The following MMAB variants were observed in gnomAD, a reference collection of about 807,000 sequenced individuals.
MMAB encodes the protein corrinoid adenosyltransferase MMAB.
A neutral mutation model predicts 30.6 loss-of-function variants in MMAB; 17 were observed. That is an observed-to-expected ratio of 0.56 (90% CI 0.38 to 0.83). The LOEUF is 0.83. Ranked by LOEUF, MMAB falls within the 40% of genes least tolerant of loss-of-function variation. The probability of loss-of-function intolerance (pLI) is 0.00; values close to 1 mark genes in which losing one functional copy is unlikely to be tolerated. For missense variants in MMAB, 311 were observed against 331.6 expected (o/e 0.94, Z 0.48); for synonymous variants, 134 against 138.6 (o/e 0.97, Z 0.23).
chr12:109,565,060 G>T, intron 4 of MMAB, 59 bp downstream of exon 4: 1 of 1,308,118 alleles, frequency 7.6e-7, no homozygotes, highest in Non-Finnish European at 1.1e-6. Context: ...TGGATGCTGA[G>T]TCCCGTGATG....
At position 109,561,029 on chromosome 12, in the gene MMAB, A is replaced by G; in HGVS notation, c.584+11T>C. On this transcript the variant is annotated intron_variant, in intron 7 of 8. Coordinates refer to ENST00000545712, the MANE Select transcript of MMAB (RefSeq NM_052845.4). The surrounding 1 kb of genome is among the most constrained non-coding windows in gnomAD (Gnocchi z 5.3). Reference sequence around the variant, plus strand: ...TCCCTTGGGCCCTCTCCCTCTCTCCAGCCCTCTTACCGTCTCTCGGCCCGG... The same window carrying G: ...TCCCTTGGGCCCTCTCCCTCTCTCCGGCCCTCTTACCGTCTCTCGGCCCGG... 6.7e-7 allele frequency: 1 copy of G among 1,496,776 alleles called. No individual in the cohort carries two copies. The highest frequency in any genetic ancestry group is 8.9e-7 in the Non-Finnish European group (1 of 1,124,332). The allele number at this position is 1,496,776 out of a possible 1,614,324, so 92.7% of individuals were successfully genotyped here.
chr12:109,563,817 T>G (rs1332690660), intron 4 of MMAB, among the ~76,000 whole-genome samples: 1 of 152,174 alleles, frequency 6.6e-6, no homozygotes, highest in Non-Finnish European at 1.5e-5. Context: ...CTGAGCAGGC[T>G]CCAGCCTGGG....
chr12:109,573,165 T>TA (rs1884717384), intron 1 of MMAB, 182 bp downstream of exon 1: 2 of 735,368 alleles, frequency 2.7e-6, no homozygotes, highest in Non-Finnish European at 4.6e-6. Flanking sequence ...CATTGGGACT[T>TA]AGGCAAAGAC....
Position 109,561,353 on chromosome 12 carries a change from G to A in MMAB, c.519+67C>T, listed in dbSNP as rs976586838. The A allele has an allele frequency of 3.2e-6, 5 of 1,542,134 alleles. No individual in the cohort carries two copies. The highest frequency in any genetic ancestry group is 1.4e-5 in the African/African-American group (1 of 73,012). On this transcript the variant is annotated intron_variant, in intron 6 of 8. Transcript: ENST00000545712. This position sits in a 1 kb window ranked among gnomAD's most constrained non-coding sequence, Gnocchi z 5.3. ...CACTGTGAAAAGAGGGATTTATTCAGAGCCCATGTGTGTCTGTCACTGAAC... is the reference window on the plus strand; with the variant it reads ...CACTGTGAAAAGAGGGATTTATTCAAAGCCCATGTGTGTCTGTCACTGAAC...
intron 3 of MMAB, among the ~76,000 whole-genome samples, chr12:109,566,757 T>C (rs1458847359): frequency 6.6e-6 from 1 of 152,222 alleles, no homozygotes; most frequent in African/African-American, 2.4e-5. Context: ...GCTTGGTCAA[T>C]ATCTGACCAA....
At chr12:109,568,627 C>G in intron 3 of MMAB, 143 bp downstream of exon 3, 1 of 752,006 alleles carries the variant, frequency 1.3e-6, no homozygotes, top group Non-Finnish European at 2.4e-6. Context: ...AGCTGACCAG[C>G]CTGTGCTTCA....
At position 109,558,550 on chromosome 12, in the gene MMAB, T is replaced by C. The variant is rs1884066400; in HGVS notation, c.644+546A>G. Among the ~76,000 whole-genome samples the C allele has an allele frequency of 6.6e-6, 1 of 152,072 alleles. No individual in the cohort carries two copies. The highest frequency in any genetic ancestry group is 2.1e-4 in the South Asian group (1 of 4,828). ...TGGGGCAGGAACCCGCAGAGCAGGC[T>C]TTGGGCCAGGTGTGGCTCCAGCCTC... On this transcript the variant is annotated intron_variant, in intron 8 of 8. Coordinates refer to ENST00000545712, the MANE Select transcript of MMAB (RefSeq NM_052845.4). This position sits in a 1 kb window ranked among gnomAD's most constrained non-coding sequence, Gnocchi z 4.3.
At position 109,569,448 on chromosome 12, in the gene MMAB, C is replaced by T. The variant is rs749935688; in HGVS notation, c.197-585G>A. ...CCCCAAGGGTTAGCCACTATGCTCA[C>T]TTCTTTCCTGATGTGCTTTTCAACT... On this transcript the variant is annotated intron_variant, in intron 2 of 8. Coordinates refer to ENST00000545712, the MANE Select transcript of MMAB (RefSeq NM_052845.4). This position sits in a 1 kb window ranked among gnomAD's most constrained non-coding sequence, Gnocchi z 4.1. Among the ~76,000 whole-genome samples the T allele has an allele frequency of 3.9e-5, 6 of 152,230 alleles. No homozygotes were observed. Among genetic ancestry groups the T allele is most frequent in the Non-Finnish European group, 8.8e-5 (6 of 68,040 alleles).
At chr12:109,557,477 T>G (rs1884021288) in intron 8 of MMAB, among the ~76,000 whole-genome samples, 1 of 152,194 alleles carries the variant, frequency 6.6e-6, no homozygotes, top group Admixed American at 6.5e-5. Flanking sequence ...CGTGATCAGT[T>G]TGGGTGTTTC....
chr12:109,565,442 G>T (rs1254519853), intron 3 of MMAB, among the ~76,000 whole-genome samples: 1 of 152,208 alleles, frequency 6.6e-6, no homozygotes, highest in Admixed American at 6.5e-5. Flanking sequence ...AGGAGAGTCA[G>T]TGGTGAACAG....
At position 109,555,202 on chromosome 12, in the gene MMAB, A is replaced by G. The variant is rs1883920193; in HGVS notation, c.*1826T>C. 1 of 452,308 alleles carries G rather than the reference A, an allele frequency of 2.2e-6. No individual in the cohort carries two copies. The allele number at this position is 452,308 out of a possible 1,614,324, so 28.0% of individuals were successfully genotyped here. ...AAGATTTTGAGATTTTGAGGTGTAG[A>G]CAGAATTGAGTGATTCGCTGCAAGC... On this transcript the variant is annotated 3_prime_UTR_variant, in exon 9 of 9. Coordinates refer to ENST00000545712, the MANE Select transcript of MMAB (RefSeq NM_052845.4).
In MMAB at chr12:109,561,666, A is replaced by G; in HGVS notation, c.421+114T>C. The G allele has an allele frequency of 4.9e-6, 6 of 1,231,416 alleles. No homozygotes were observed. Among genetic ancestry groups the G allele is most frequent in the Non-Finnish European group, 7.0e-6 (6 of 860,170 alleles). 76.3% of individuals were successfully genotyped at this position (1,231,416 alleles called of 1,614,324 possible). A position where few individuals can be genotyped will look rare whatever the true frequency, so the allele number is the denominator to read the frequency against. ...ACCTTCCCTCCCAGGAGCTACGAGC[A>G]AGGCTAACTGACCCACCCGTGGGTC... On this transcript the variant is annotated intron_variant, in intron 5 of 8. Coordinates refer to ENST00000545712, the MANE Select transcript of MMAB (RefSeq NM_052845.4). The surrounding 1 kb of genome is among the most constrained non-coding windows in gnomAD (Gnocchi z 5.3).
rs1168737146 is a variant in MMAB, at chr12:109,557,005, C to T, written c.*23G>A. On this transcript the variant is annotated 3_prime_UTR_variant, in exon 9 of 9. Coordinates refer to ENST00000545712, the MANE Select transcript of MMAB (RefSeq NM_052845.4). The stretch of plus-strand genomic sequence containing the variant: ...ACGGCCATCGCCATGGAGGGATCCT[C>T]CAAGCTCCCACTTTCTGTGATTTCA... 1.3e-6 allele frequency: 2 copies of T among 1,515,790 alleles called. No homozygotes were observed. Among genetic ancestry groups the T allele is most frequent in the Non-Finnish European group, 1.8e-6 (2 of 1,091,342 alleles). The allele number at this position is 1,515,790 out of a possible 1,614,324, so 93.9% of individuals were successfully genotyped here. A position where few individuals can be genotyped will look rare whatever the true frequency, so the allele number is the denominator to read the frequency against.
intron 2 of MMAB, among the ~76,000 whole-genome samples, chr12:109,571,237 CT>C (rs1307450077): frequency 6.6e-6 from 1 of 151,126 alleles, no homozygotes; most frequent in Non-Finnish European, 1.5e-5. Flanking sequence ...AAATATCATA[CT>C]TTTTTTTTCT....
chr12:109,564,384 T>TC (rs1055579469), intron 4 of MMAB, among the ~76,000 whole-genome samples: 3 of 150,792 alleles, frequency 2.0e-5, no homozygotes, highest in Non-Finnish European at 4.4e-5. Flanking sequence ...CAGAGGTTTT[T>TC]TTTTTTTTTT....
At position 109,557,041 on chromosome 12, in the gene MMAB, G is replaced by A. The variant is rs1884004276; in HGVS notation, c.740C>T (p.Ser247Phe). 6.2e-7 allele frequency: 1 copy of A among 1,609,110 alleles called. No homozygotes were observed. Among genetic ancestry groups the A allele is most frequent in the Non-Finnish European group, 8.5e-7 (1 of 1,175,606 alleles). The change falls in exon 9 of 9, where the codon TCT (serine) becomes TTT (phenylalanine). Residue 247 changes from serine (S) to phenylalanine (F), a missense_variant. Transcript: ENST00000545712. ...CTTTCTGTGATTTCAGAGTCCCTCAGACTCGGCCGATGGGTCATTTTTCAT... is the reference window on the plus strand; with the variant it reads ...CTTTCTGTGATTTCAGAGTCCCTCAAACTCGGCCGATGGGTCATTTTTCAT... ...IYMKNDPSAESEGL is the reference protein window; with the variant it reads ...IYMKNDPSAEFEGL
chr12:109,570,872 T>TAAAA (rs1593005538), intron 2 of MMAB, among the ~76,000 whole-genome samples: 1 of 53,300 alleles, frequency 1.9e-5, no homozygotes. Context: ...AAACCCTGTA[T>TAAAA]CAAAAAAAAA....
chr12:109,555,448 A>G lies in MMAB; in HGVS notation c.*1580T>C, dbSNP rs1374591936. On this transcript the variant is annotated 3_prime_UTR_variant, in exon 9 of 9. Transcript: ENST00000545712. ...CAGGCACCCGCCACCATGCCCAGCT[A>G]ATTTTTTTTTTTTTTTTTTTTTTTT... The G allele has an allele frequency of 6.2e-6, 2 of 323,340 alleles. No homozygotes were observed. The highest frequency in any genetic ancestry group is 1.1e-5 in the Non-Finnish European group (2 of 180,116). The allele number at this position is 323,340 out of a possible 1,614,324, so 20.0% of individuals were successfully genotyped here.
chr12:109,562,546 C>T (rs577543343), intron 4 of MMAB, among the ~76,000 whole-genome samples: 3 of 152,320 alleles, frequency 2.0e-5, no homozygotes, highest in Non-Finnish European at 4.4e-5. Flanking sequence ...ACACGCATCA[C>T]ACACCCAGGG....
Sources: allele counts gnomAD v4.1 joint callset (sites outside exome capture counted in the v4.1 genomes callset), GRCh38; gene constraint gnomAD v4.1.1; non-coding constraint Gnocchi (gnomAD v3.1); transcripts MANE v1.5; gene names NCBI Gene and HGNC (gene_info 2026-07-23, HGNC 2026-07-21).